The following NACC2 variants were observed in gnomAD, a reference collection of about 807,000 sequenced individuals.
NACC2 encodes nucleus accumbens-associated protein 2.
In NACC2, 8 loss-of-function variants were observed where a neutral mutation model predicts 25.1. The ratio of observed to expected loss-of-function variants is 0.32; its 90% CI spans 0.19 to 0.57. The LOEUF is 0.57. Among genes scored for constraint, NACC2 ranks in the 20% least tolerant of loss-of-function variants. NACC2 has a pLI of 0.89. For missense variants in NACC2, 644 were observed against 650.2 expected, an observed-to-expected ratio of 0.99 and a Z score of 0.10; for synonymous variants, 435 against 294.7, an observed-to-expected ratio of 1.48 and a Z score of -4.88.
At chr9:136,081,896 G>A (rs983272355) in intron 1 of NACC2, among the ~76,000 whole-genome samples, 6 of 140,640 alleles carry the variant, frequency 4.3e-5, no homozygotes, top group African/African-American at 1.6e-4. Flanking sequence ...TCTTTGCACC[G>A]CTTCTCGCAG....
At chr9:136,068,132 T>C (rs1300619340) in intron 1 of NACC2, among the ~76,000 whole-genome samples, 1 of 152,194 alleles carries the variant, frequency 6.6e-6, no homozygotes, top group African/African-American at 2.4e-5. Context: ...AGGACTGGGA[T>C]ATTACTATAT....
At chr9:136,059,942 C>T (rs1004635874) in intron 1 of NACC2, among the ~76,000 whole-genome samples, 3 of 152,244 alleles carry the variant, frequency 2.0e-5, no homozygotes, top group Non-Finnish European at 2.9e-5. Flanking sequence ...GGGCCGCACC[C>T]TGTCCCCTCC....
At chr9:136,094,149 C>T (rs552068691) in intron 1 of NACC2, among the ~76,000 whole-genome samples, 1 of 152,332 alleles carries the variant, frequency 6.6e-6, no homozygotes, top group South Asian at 2.1e-4. Context: ...CAGGAAGGAA[C>T]GCGCAGCAGA....
chr9:136,041,713 A>C (rs1840635691), intron 2 of NACC2, among the ~76,000 whole-genome samples: 1 of 152,354 alleles, frequency 6.6e-6, no homozygotes, highest in Middle Eastern at 3.4e-3. Flanking sequence ...TACAAAAAAA[A>C]CACTGGATTA....
chr9:136,037,881 T>G (rs909930377), intron 2 of NACC2, among the ~76,000 whole-genome samples: 1 of 150,020 alleles, frequency 6.7e-6, no homozygotes, highest in African/African-American at 2.4e-5. Flanking sequence ...AAAACTTAAG[T>G]GCATACAAAA....
At chr9:136,067,429 G>T (rs540336425) in intron 1 of NACC2, among the ~76,000 whole-genome samples, 2 of 152,162 alleles carry the variant, frequency 1.3e-5, no homozygotes, top group Non-Finnish European at 2.9e-5. Context: ...GAATACAGAC[G>T]TGTTGATTAA....
In NACC2 at chr9:136,008,506, C is replaced by G. The variant is rs922574643; in HGVS notation, c.*3010G>C. ...TCAGGCTTAGGGATAAAGGTGCAGACATCTCATAAATACTGAGTGGCTCGT... is the reference window on the plus strand; with the variant it reads ...TCAGGCTTAGGGATAAAGGTGCAGAGATCTCATAAATACTGAGTGGCTCGT... On this transcript the variant is annotated 3_prime_UTR_variant, in exon 6 of 6. Transcript: ENST00000277554. The G allele has an allele frequency of 6.6e-6, 1 of 152,314 alleles. No individual in the cohort carries two copies. Among genetic ancestry groups the G allele is most frequent in the African/African-American group, 2.4e-5 (1 of 41,446 alleles). The allele number at this position is 152,314 out of a possible 1,614,324, so 9.4% of individuals were successfully genotyped here.
At chr9:136,035,615 G>A (rs1393361873) in intron 2 of NACC2, among the ~76,000 whole-genome samples, 1 of 152,044 alleles carries the variant, frequency 6.6e-6, no homozygotes, top group Non-Finnish European at 1.5e-5. Context: ...CTGGAAAAAG[G>A]TACAGTCTGT....
chr9:136,021,010 C>T (rs942092063), intron 2 of NACC2, among the ~76,000 whole-genome samples: 3 of 152,108 alleles, frequency 2.0e-5, no homozygotes, highest in African/African-American at 4.8e-5. Flanking sequence ...CCCCAAAGCA[C>T]GATCCACAAT....
At chr9:136,081,348 C>A (rs1383667703) in intron 1 of NACC2, among the ~76,000 whole-genome samples, 1 of 152,164 alleles carries the variant, frequency 6.6e-6, no homozygotes, top group African/African-American at 2.4e-5. Context: ...AAGATGAAGC[C>A]AGCCACCCGC....
rs1473883037 is a variant in NACC2, at chr9:136,009,495, C to G, written c.*2021G>C. The G allele has an allele frequency of 3.9e-5, 6 of 152,304 alleles. No individual in the cohort carries two copies. Among genetic ancestry groups the G allele is most frequent in the Admixed American group, 3.9e-4 (6 of 15,286 alleles). 9.4% of individuals were successfully genotyped at this position (152,304 alleles called of 1,614,324 possible). On this transcript the variant is annotated 3_prime_UTR_variant, in exon 6 of 6. Transcript: ENST00000277554. ...GAATGGGTGGAGGGGCCGAGGTTAG[C>G]GTCCACAGTGCCTGCCCATGGTCCC...
chr9:136,079,443 A>G (rs1830298368), intron 1 of NACC2, among the ~76,000 whole-genome samples: 1 of 152,230 alleles, frequency 6.6e-6, no homozygotes, highest in South Asian at 2.1e-4. Context: ...GCAGCCAAGG[A>G]ACCAGGATCT....
chr9:136,086,950 G>A lies in NACC2; in HGVS notation c.-60+8239C>T, dbSNP rs1010191541. ...CGCATCTACCTGACCCTTTGAATGCGGCCTTATTTGGAAACAGGGTCTTTA... is the reference window on the plus strand; with the variant it reads ...CGCATCTACCTGACCCTTTGAATGCAGCCTTATTTGGAAACAGGGTCTTTA... On this transcript the variant is annotated intron_variant, in intron 1 of 5. Transcript: ENST00000277554. This position sits in a 1 kb window ranked among gnomAD's most constrained non-coding sequence, Gnocchi z 5.6. Among the ~76,000 whole-genome samples the A allele has an allele frequency of 2.0e-5, 3 of 152,202 alleles. No homozygotes were observed. Among genetic ancestry groups the A allele is most frequent in the Non-Finnish European group, 4.4e-5 (3 of 68,034 alleles).
At position 136,011,090 on chromosome 9, in the gene NACC2, GAAGGGT is replaced by G. The variant is rs1840098331; in HGVS notation, c.*420_*425del. On this transcript the variant is annotated 3_prime_UTR_variant, in exon 6 of 6. Coordinates refer to ENST00000277554, the MANE Select transcript of NACC2 (RefSeq NM_144653.5). ...CAGAGAGGTTCCATGGGGAAGGAAG[GAAGGGT>G]CAGTGACGCACAGCCCAGCCCCCTC... 6.4e-6 allele frequency: 1 copy of G among 155,588 alleles called. No individual in the cohort carries two copies. Among genetic ancestry groups the G allele is most frequent in the African/African-American group, 2.4e-5 (1 of 41,600 alleles). 9.6% of individuals were successfully genotyped at this position (155,588 alleles called of 1,614,324 possible).
intron 1 of NACC2, among the ~76,000 whole-genome samples, chr9:136,075,499 C>T (rs1830252423): frequency 1.3e-5 from 2 of 152,260 alleles, no homozygotes; most frequent in South Asian, 2.1e-4. Context: ...TCTCCTACAT[C>T]GCGGTACAGT....
chr9:136,072,444 C>T (rs895356667), intron 1 of NACC2, among the ~76,000 whole-genome samples: 1 of 152,130 alleles, frequency 6.6e-6, no homozygotes, highest in Non-Finnish European at 1.5e-5. Flanking sequence ...ACTTGAGAGG[C>T]TGAGGCACAA....
chr9:136,064,397 T>C (rs908313773), intron 1 of NACC2, among the ~76,000 whole-genome samples: 9 of 152,072 alleles, frequency 5.9e-5, no homozygotes, highest in African/African-American at 2.2e-4. Context: ...CAAGTATTTC[T>C]CTACACTTGC....
intron 2 of NACC2, among the ~76,000 whole-genome samples, chr9:136,033,406 G>A (rs1044747093): frequency 1.2e-4 from 19 of 152,234 alleles, no homozygotes; most frequent in African/African-American, 4.3e-4. Context: ...CACTTTGGGA[G>A]GCTGATGTGG....
intron 2 of NACC2, among the ~76,000 whole-genome samples, chr9:136,031,697 G>C (rs1840475926): frequency 6.6e-6 from 1 of 152,184 alleles, no homozygotes; most frequent in Admixed American, 6.5e-5. Flanking sequence ...TTTCCTTAAA[G>C]CAAAATTAGA....
Sources: gnomAD v4.1 joint callset for allele counts (sites outside exome capture counted in the v4.1 genomes callset) on GRCh38, gnomAD v4.1.1 for gene constraint, Gnocchi (gnomAD v3.1) non-coding constraint, MANE v1.5 for transcripts, NCBI Gene and HGNC (gene_info 2026-07-23, HGNC 2026-07-21) for gene names.